SMC6: variants seen among roughly 807,000 people sequenced by gnomAD.
SMC6 encodes the protein structural maintenance of chromosomes 6, also known as structural maintenance of chromosomes protein 6.
SMC6 carries 79 observed loss-of-function variants against 142.2 expected under a neutral mutation model. That is an observed-to-expected ratio of 0.56 (90% CI 0.46 to 0.67). The LOEUF is 0.67. Among genes scored for constraint, SMC6 ranks in the 30% least tolerant of loss-of-function variants. The pLI, the probability that SMC6 is intolerant of heterozygous loss-of-function variation, is 0.00. For missense variants in SMC6, 1,072 were observed against 1,284.0 expected (o/e 0.83, Z 2.52); for synonymous variants, 411 against 412.4 (o/e 1.00, Z 0.04).
At chr2:17,708,477 C>T (rs1668661974) in intron 17 of SMC6, among the ~76,000 whole-genome samples, 162 bp downstream of exon 17, 1 of 152,050 alleles carries the variant, frequency 6.6e-6, no homozygotes, top group South Asian at 2.1e-4. Context: ...ACAAATCAAC[C>T]AGTTTCTATA....
intron 4 of SMC6, among the ~76,000 whole-genome samples, 175 bp from the exon 5 acceptor site, chr2:17,738,501 T>C (rs1292548560): frequency 6.6e-6 from 1 of 152,166 alleles, no homozygotes; most frequent in Admixed American, 6.5e-5. Flanking sequence ...AAGTTATATA[T>C]GTAAGGAAAA....
chr2:17,717,919 G>A (rs571943137), intron 12 of SMC6, among the ~76,000 whole-genome samples, 158 bp downstream of exon 12: 1 of 151,980 alleles, frequency 6.6e-6, no homozygotes, highest in Non-Finnish European at 1.5e-5. Flanking sequence ...CAGGAGATAA[G>A]AGGCTACAGT....
chr2:17,681,896 C>T (rs1448477271), intron 24 of SMC6: 5 of 152,022 alleles, frequency 3.3e-5, no homozygotes, highest in Non-Finnish European at 7.4e-5. Flanking sequence ...TGCCATAAAC[C>T]TTCAATTTGT....
intron 5 of SMC6, among the ~76,000 whole-genome samples, chr2:17,734,119 G>A (rs1199147797): frequency 6.6e-6 from 1 of 151,996 alleles, no homozygotes; most frequent in East Asian, 1.9e-4. Flanking sequence ...GGGAGGGAGA[G>A]GAAGACAGAG....
At position 17,665,067 on chromosome 2, in the gene SMC6, T is replaced by G. The variant is rs1666433876; in HGVS notation, c.*432A>C. 1 of 152,856 alleles carries G rather than the reference T, an allele frequency of 6.5e-6. No homozygotes were observed. The highest frequency in any genetic ancestry group is 2.4e-5 in the African/African-American group (1 of 41,446). 9.5% of individuals were successfully genotyped at this position (152,856 alleles called of 1,614,324 possible). A position where few individuals can be genotyped will look rare whatever the true frequency, so the allele number is the denominator to read the frequency against. On this transcript the variant is annotated 3_prime_UTR_variant, in exon 28 of 28. Transcript: ENST00000448223. ...CCCTCTGCAATGAGAAATCCCTCCC[T>G]TCAACCATTTTTGGTAACTATAGAA... is the stretch of plus-strand genomic sequence containing the variant.
chr2:17,718,328 C>G (rs1669205148), intron 11 of SMC6, 105 bp from the exon 12 acceptor site: 1 of 658,858 alleles, frequency 1.5e-6, no homozygotes, highest in Admixed American at 3.7e-5. Flanking sequence ...TAACTTCACT[C>G]AAGACATCAG....
chr2:17,742,297 A>C (rs1172283927), intron 3 of SMC6, among the ~76,000 whole-genome samples: 1 of 152,234 alleles, frequency 6.6e-6, no homozygotes, highest in African/African-American at 2.4e-5. Context: ...ATTTCAATTC[A>C]GAGAGCAGAG....
At chr2:17,704,675 C>T (rs1025052762) in intron 18 of SMC6, among the ~76,000 whole-genome samples, 1 of 152,158 alleles carries the variant, frequency 6.6e-6, no homozygotes, top group African/African-American at 2.4e-5. Context: ...GTTCAATTAG[C>T]ATTTATTTCC....
chr2:17,738,497 T>C (rs886259434), intron 4 of SMC6, among the ~76,000 whole-genome samples, 171 bp from the exon 5 acceptor site: 2 of 152,140 alleles, frequency 1.3e-5, no homozygotes, highest in Non-Finnish European at 1.5e-5. Context: ...AAAAAAGTTA[T>C]ATATGTAAGG....
intron 9 of SMC6, among the ~76,000 whole-genome samples, chr2:17,723,302 A>G (rs1470530911): frequency 1.3e-5 from 2 of 152,212 alleles, no homozygotes; most frequent in Non-Finnish European, 2.9e-5. Context: ...ATAGCAGTTC[A>G]TTCTCTTGTA....
intron 7 of SMC6, among the ~76,000 whole-genome samples, chr2:17,728,378 G>A (rs1024444867): frequency 1.7e-4 from 26 of 152,142 alleles, no homozygotes; most frequent in Non-Finnish European, 2.8e-4. Context: ...AGGTTGCAGG[G>A]AGTCGTGATC....
At chr2:17,716,702 G>A (rs1669103420) in intron 14 of SMC6, 39 bp downstream of exon 14, 2 of 1,581,828 alleles carry the variant, frequency 1.3e-6, no homozygotes, top group Non-Finnish European at 1.7e-6. Flanking sequence ...TGATGTAAAA[G>A]TAATTGAAAA....
chr2:17,730,826 C>T (rs1669880454), intron 7 of SMC6, among the ~76,000 whole-genome samples: 1 of 151,122 alleles, frequency 6.6e-6, no homozygotes, highest in Non-Finnish European at 1.5e-5. Context: ...GTTGGCCAGG[C>T]TGGCCTTGAA....
intron 23 of SMC6, among the ~76,000 whole-genome samples, chr2:17,694,671 T>C (rs1476086371): frequency 6.6e-6 from 1 of 152,162 alleles, no homozygotes; most frequent in East Asian, 1.9e-4. Context: ...GTCACATAAA[T>C]AGGTGGTGGA....
At chr2:17,702,711 T>A (rs1165236095) in intron 19 of SMC6, among the ~76,000 whole-genome samples, 2 of 152,040 alleles carry the variant, frequency 1.3e-5, no homozygotes, top group Non-Finnish European at 2.9e-5. Flanking sequence ...ACTGTTCTTG[T>A]GGTAGTGAGT....
intron 7 of SMC6, among the ~76,000 whole-genome samples, chr2:17,730,118 A>G (rs1432048361): frequency 6.6e-6 from 1 of 152,204 alleles, no homozygotes; most frequent in African/African-American, 2.4e-5. Context: ...CCACGTCTAG[A>G]CAGCCTTAAG....
intron 12 of SMC6, among the ~76,000 whole-genome samples, 157 bp downstream of exon 12, chr2:17,717,920 A>C (rs996413636): frequency 1.3e-5 from 2 of 151,996 alleles, no homozygotes; most frequent in African/African-American, 2.4e-5. Context: ...AGGAGATAAG[A>C]GGCTACAGTG....
intron 23 of SMC6, among the ~76,000 whole-genome samples, chr2:17,694,145 G>A (rs997560302): frequency 6.6e-6 from 1 of 151,978 alleles, no homozygotes; most frequent in Non-Finnish European, 1.5e-5. Context: ...GGAGCTAAAA[G>A]AGTTGACTTC....
chr2:17,666,460 G>A lies in SMC6; in HGVS notation c.3121C>T (p.Arg1041Cys), dbSNP rs368022854. Residue 1041 changes from arginine (R) to cysteine (C), a missense_variant, in exon 27 of 28, where the codon CGT becomes TGT. By Grantham distance (180) the Arg-to-Cys change is radical. Transcript: ENST00000448223. ...DLILKMADSQRFRQFILLTPQ... is the reference protein window; with the variant it reads ...DLILKMADSQCFRQFILLTPQ... ...GTGAGCAAGATAAACTGTCTAAAAC[G>A]CTGGGAATCTGCCATCTTCAGTATC... 12 of 1,613,806 alleles carry A rather than the reference G, an allele frequency of 7.4e-6. No homozygotes were observed. Among genetic ancestry groups the A allele is most frequent in the Non-Finnish European group, 9.3e-6 (11 of 1,179,896 alleles).
Sources: allele counts gnomAD v4.1 joint callset (sites outside exome capture counted in the v4.1 genomes callset), GRCh38; gene constraint gnomAD v4.1.1; transcripts MANE v1.5; gene names NCBI Gene and HGNC (gene_info 2026-07-23, HGNC 2026-07-21).